Variants in UNC13C observed in about 807,000 individuals in gnomAD.
UNC13C encodes the protein unc-13 homolog C, also known as protein unc-13 homolog C.
In UNC13C, 174 loss-of-function variants were observed where a neutral mutation model predicts 245.4. The ratio of observed to expected loss-of-function variants is 0.71; its 90% CI spans 0.63 to 0.80. The LOEUF (loss-of-function observed/expected upper bound fraction) is 0.80. Among genes scored for constraint, UNC13C ranks in the 30% least tolerant of loss-of-function variants. The pLI is 0.00. For synonymous variants in UNC13C, 992 were observed against 895.1 expected (o/e 1.11, Z -1.93); for missense variants, 2,829 against 2,602.9 (o/e 1.09, Z -1.89).
chr15:54,455,205 C>CTCTCTATATA lies in UNC13C; in HGVS notation c.4934-39402_4934-39401insCTCTATATAT, dbSNP rs1388065398. On this transcript the variant is annotated intron_variant, in intron 19 of 32. Transcript: ENST00000260323. ...TCTCTCTCTCTCTCTCTCTCTCTCT[C>CTCTCTATATA]TATATATATATATATATATATATAT... 4.6e-3 allele frequency among the ~76,000 whole-genome samples: 87 copies of CTCTCTATATA among 18,926 alleles called. 1 individual carries two copies. Among genetic ancestry groups the CTCTCTATATA allele is most frequent in the Non-Finnish European group, 5.5e-3 (59 of 10,806 alleles). The allele number at this position is 18,926 out of a possible 152,430, so 12.4% of individuals were successfully genotyped here. A position where few individuals can be genotyped will look rare whatever the true frequency, so the allele number is the denominator to read the frequency against.
At chr15:54,270,720 A>G (rs1310124012) in intron 10 of UNC13C, among the ~76,000 whole-genome samples, 1 of 152,136 alleles carries the variant, frequency 6.6e-6, no homozygotes, top group Non-Finnish European at 1.5e-5. Context: ...AGACTGGGAA[A>G]TGGATCTGAG....
chr15:54,164,737 T>C (rs1255910308), intron 4 of UNC13C, among the ~76,000 whole-genome samples: 2 of 152,128 alleles, frequency 1.3e-5, no homozygotes, highest in Non-Finnish European at 2.9e-5. Flanking sequence ...TTGGGTTTAA[T>C]TTTTCTCAGA....
At chr15:54,182,177 A>G (rs1438478249) in intron 4 of UNC13C, among the ~76,000 whole-genome samples, 1 of 152,058 alleles carries the variant, frequency 6.6e-6, no homozygotes, top group African/African-American at 2.4e-5. Flanking sequence ...TGTTTATCAT[A>G]GATAACTCTT....
intron 30 of UNC13C, among the ~76,000 whole-genome samples, chr15:54,615,300 C>G (rs369619127): frequency 6.6e-6 from 1 of 152,046 alleles, no homozygotes; most frequent in Non-Finnish European, 1.5e-5. Context: ...AAAAGAGGGT[C>G]TGTCTTCTTA....
chr15:54,585,652 G>A (rs951311119), intron 30 of UNC13C, among the ~76,000 whole-genome samples: 6 of 152,012 alleles, frequency 3.9e-5, no homozygotes, highest in East Asian at 1.9e-4. Context: ...CTCCTAACCC[G>A]GAAAACTTCT....
chr15:54,600,899 A>G (rs1289059618), intron 30 of UNC13C, among the ~76,000 whole-genome samples: 1 of 152,048 alleles, frequency 6.6e-6, no homozygotes, highest in Non-Finnish European at 1.5e-5. Flanking sequence ...TGGGTGTCCA[A>G]TCTTTTGACT....
chr15:54,321,377 G>A (rs2038154078), intron 13 of UNC13C: 3 of 484,098 alleles, frequency 6.2e-6, no homozygotes, highest in Non-Finnish European at 1.2e-5. Context: ...TCAAATTTAA[G>A]TGGGTACCTG....
chr15:54,408,520 A>G (rs2040354052), intron 18 of UNC13C, among the ~76,000 whole-genome samples: 1 of 152,200 alleles, frequency 6.6e-6, no homozygotes, highest in African/African-American at 2.4e-5. Context: ...GAACTCACGT[A>G]TATAGTAAAA....
At chr15:54,075,008 A>G (rs566146775) in intron 2 of UNC13C, among the ~76,000 whole-genome samples, 39 of 152,218 alleles carry the variant, frequency 2.6e-4, no homozygotes, top group African/African-American at 9.1e-4. Flanking sequence ...GGTTTTTAGT[A>G]TCATCAATAT....
the UNC13C span, among the ~76,000 whole-genome samples, chr15:53,887,405 AC>A: frequency 6.6e-6 from 1 of 152,188 alleles, no homozygotes; most frequent in African/African-American, 2.4e-5. Context: ...TAAAATAAAC[AC>A]CCCAAACCAT....
At chr15:54,098,457 G>T (rs1899994469) in intron 2 of UNC13C, among the ~76,000 whole-genome samples, 1 of 152,158 alleles carries the variant, frequency 6.6e-6, no homozygotes, top group Non-Finnish European at 1.5e-5. Flanking sequence ...TTATAGGCGT[G>T]AGCTACCCTA....
Position 54,627,091 on chromosome 15 carries a change from G to GATCTACTGA in UNC13C, c.6625_6633dup (p.Ser2209_Glu2211dup). On this transcript the variant is annotated inframe_insertion, in exon 33 of 33. Transcript: ENST00000260323. ...TTTGTAAGACTTAAATCTGAAACAA[G>GATCTACTGA]ATCTACTGAAGAGAGTGCTTGAAAC... is the stretch of plus-strand genomic sequence containing the variant. The GATCTACTGA allele has an allele frequency of 5.0e-6, 8 of 1,612,172 alleles. No individual in the cohort carries two copies. Among genetic ancestry groups the GATCTACTGA allele is most frequent in the Non-Finnish European group, 6.8e-6 (8 of 1,178,988 alleles).
Position 54,302,050 on chromosome 15 carries a change from CT to C in UNC13C, c.4268+1685del, listed in dbSNP as rs1192220423. 3.9e-5 allele frequency among the ~76,000 whole-genome samples: 6 copies of C among 151,908 alleles called. No homozygotes were observed. In the East Asian group the frequency reaches 9.6e-4, roughly 24 times the overall value. On this transcript the variant is annotated intron_variant, in intron 13 of 32. Coordinates refer to ENST00000260323, the MANE Select transcript of UNC13C (RefSeq NM_001080534.3). ...TTCTCTAATGACCAGTGATGATGAGCTTTTTTTTCATATGTTTCTTGGCTGC... is the reference window on the plus strand; with the variant it reads ...TTCTCTAATGACCAGTGATGATGAGCTTTTTTTCATATGTTTCTTGGCTGC...
intron 2 of UNC13C, among the ~76,000 whole-genome samples, chr15:54,109,624 G>A (rs1595866913): frequency 6.6e-6 from 1 of 151,986 alleles, no homozygotes; most frequent in Non-Finnish European, 1.5e-5. Context: ...TTACAAGCAT[G>A]AGCCACTGTA....
At chr15:54,005,861 G>A (rs552209280) in intron 1 of UNC13C, among the ~76,000 whole-genome samples, 5 of 152,162 alleles carry the variant, frequency 3.3e-5, no homozygotes, top group Admixed American at 1.3e-4. Flanking sequence ...ATCATTCATC[G>A]GGAGAAGGAG....
intron 17 of UNC13C, among the ~76,000 whole-genome samples, chr15:54,366,497 T>A (rs1490029519): frequency 6.6e-6 from 1 of 152,168 alleles, no homozygotes; most frequent in Admixed American, 6.5e-5. Flanking sequence ...CACACATACA[T>A]CCATCGATAT....
At chr15:54,456,479 T>C (rs1387666321) in intron 19 of UNC13C, among the ~76,000 whole-genome samples, 26 of 152,114 alleles carry the variant, frequency 1.7e-4, no homozygotes, top group Admixed American at 1.2e-3. Context: ...TACCCATCCA[T>C]GAGCATGGGA....
At chr15:54,446,573 A>C (rs1027885458) in intron 19 of UNC13C, among the ~76,000 whole-genome samples, 4 of 152,066 alleles carry the variant, frequency 2.6e-5, no homozygotes, top group Non-Finnish European at 5.9e-5. Flanking sequence ...ATGGGAGTTC[A>C]CTCATGATTT....
intron 2 of UNC13C, among the ~76,000 whole-genome samples, chr15:54,038,151 A>G (rs1292907959): frequency 2.0e-5 from 1 of 48,968 alleles, no homozygotes; most frequent in Non-Finnish European, 3.6e-5. Context: ...CCTGAGACAG[A>G]GTCTGTGTTG....
Sources: allele counts gnomAD v4.1 joint callset (sites outside exome capture counted in the v4.1 genomes callset), GRCh38; gene constraint gnomAD v4.1.1; transcripts MANE v1.5; gene names NCBI Gene and HGNC (gene_info 2026-07-23, HGNC 2026-07-21).